The following ATXN7L1 variants were observed in gnomAD, a reference collection of about 807,000 sequenced individuals.
The protein encoded by ATXN7L1 is ataxin 7 like 1.
In ATXN7L1, 15 loss-of-function variants were observed where a neutral mutation model predicts 70.8. The ratio of observed to expected loss-of-function variants is 0.21; its 90% confidence interval spans 0.14 to 0.33. The LOEUF is 0.33. Among genes scored for constraint, ATXN7L1 ranks in the 10% least tolerant of loss-of-function variants. The pLI is 1.00. For synonymous variants in ATXN7L1, 440 were observed against 445.1 expected, an observed-to-expected ratio of 0.99 and a Z score of 0.14; for missense variants, 975 against 1,097.1, an observed-to-expected ratio of 0.89 and a Z score of 1.57.
At chr7:105,654,875 G>C (rs118078751) in intron 4 of ATXN7L1, among the ~76,000 whole-genome samples, 3,204 of 151,808 alleles carry the variant, frequency 0.021, 47 homozygotes, top group Middle Eastern at 0.034. Flanking sequence ...CAAATAGCTG[G>C]GATTACAGGG....
intron 11 of ATXN7L1, among the ~76,000 whole-genome samples, chr7:105,608,459 G>A (rs911858746): frequency 2.0e-5 from 3 of 152,200 alleles, no homozygotes; most frequent in African/African-American, 4.8e-5. Context: ...GGCAGAGAGT[G>A]CTACACAAGT....
intron 3 of ATXN7L1, among the ~76,000 whole-genome samples, chr7:105,778,658 A>G (rs1391268611): frequency 6.6e-6 from 1 of 152,208 alleles, no homozygotes; most frequent in African/African-American, 2.4e-5. Flanking sequence ...GAAACATGAA[A>G]AAAGAGAATT....
At chr7:105,745,583 T>C (rs532303585) in intron 3 of ATXN7L1, among the ~76,000 whole-genome samples, 4 of 152,268 alleles carry the variant, frequency 2.6e-5, no homozygotes. Flanking sequence ...AGCTGACCAG[T>C]TCCCGAGCTG....
chr7:105,842,464 A>G (rs58564118), intron 2 of ATXN7L1, among the ~76,000 whole-genome samples: 2,469 of 152,298 alleles, frequency 0.016, 40 homozygotes, highest in East Asian at 0.066. Flanking sequence ...GAATCATCCA[A>G]TATATGGTCC....
intron 3 of ATXN7L1, among the ~76,000 whole-genome samples, chr7:105,704,810 T>C (rs1584782163): frequency 2.0e-5 from 3 of 151,654 alleles, no homozygotes; most frequent in South Asian, 2.1e-4. Flanking sequence ...GGCGTTTCAC[T>C]ATGTTGGCCA....
At chr7:105,711,998 G>A (rs566031219) in intron 3 of ATXN7L1, among the ~76,000 whole-genome samples, 5 of 152,368 alleles carry the variant, frequency 3.3e-5, no homozygotes, top group African/African-American at 9.6e-5. Flanking sequence ...TTCAACTCTT[G>A]CCTTCTGTGC....
At chr7:105,626,845 T>C (rs1795777695) in intron 7 of ATXN7L1, among the ~76,000 whole-genome samples, 1 of 152,222 alleles carries the variant, frequency 6.6e-6, no homozygotes, top group Non-Finnish European at 1.5e-5. Context: ...TTCCAGACGT[T>C]GTTACTGGGC....
At chr7:105,740,640 C>A (rs573641863) in intron 3 of ATXN7L1, among the ~76,000 whole-genome samples, 1 of 151,908 alleles carries the variant, frequency 6.6e-6, no homozygotes, top group South Asian at 2.1e-4. Context: ...GCTTTGGGGT[C>A]TCTTAATTTC....
intron 2 of ATXN7L1, among the ~76,000 whole-genome samples, chr7:105,831,622 C>T (rs141959015): frequency 1.4e-4 from 22 of 152,264 alleles, no homozygotes; most frequent in Non-Finnish European, 2.9e-4. Context: ...TTTTAAAAAG[C>T]GTAAACTACC....
At chr7:105,642,737 A>G in intron 5 of ATXN7L1, 101 bp downstream of exon 5, 1 of 1,366,092 alleles carries the variant, frequency 7.3e-7, no homozygotes, top group Non-Finnish European at 9.8e-7. Context: ...CTTAAAATGA[A>G]ACAGACCTGC....
Position 105,830,354 on chromosome 7 carries a change from A to G in ATXN7L1, c.251-41646T>C, listed in dbSNP as rs191616445. On this transcript the variant is annotated intron_variant, in intron 2 of 11. Coordinates refer to ENST00000419735, the MANE Select transcript of ATXN7L1 (RefSeq NM_020725.2). ...TCCTTCAAACAACAACATCAACAAC[A>G]AAGACAACGGTTTTGAAAACCACTG... 2.6e-5 allele frequency among the ~76,000 whole-genome samples: 4 copies of G among 152,384 alleles called. No homozygotes were observed. In the East Asian group the frequency reaches 7.7e-4, roughly 29 times the overall value.
chr7:105,716,363 C>T (rs1301414483), intron 3 of ATXN7L1, among the ~76,000 whole-genome samples: 4 of 152,070 alleles, frequency 2.6e-5, no homozygotes, highest in Non-Finnish European at 5.9e-5. Flanking sequence ...CAGACCTCAT[C>T]TTCTCATTCT....
chr7:105,848,279 C>T (rs1041138355), intron 2 of ATXN7L1, among the ~76,000 whole-genome samples: 1 of 152,190 alleles, frequency 6.6e-6, no homozygotes, highest in Non-Finnish European at 1.5e-5. Context: ...TCATACACTC[C>T]TGATGGGAGT....
rs1181565055 is a variant in ATXN7L1, at chr7:105,788,714, G to C, written c.251-6C>G. The C allele has an allele frequency of 6.3e-7, 1 of 1,597,436 alleles. No homozygotes were observed. Among genetic ancestry groups the C allele is most frequent in the Non-Finnish European group, 8.6e-7 (1 of 1,164,972 alleles). On this transcript the variant is annotated splice_region_variant and splice_polypyrimidine_tract_variant and intron_variant, in intron 2 of 11. Transcript: ENST00000419735. The stretch of plus-strand genomic sequence containing the variant: ...ATGGCCAAATAAGTGCATATCTGTG[G>C]GGGAAATGAAAACAAGTGTGTTTTG...
intron 3 of ATXN7L1, among the ~76,000 whole-genome samples, chr7:105,753,187 T>C (rs961206804): frequency 3.3e-5 from 5 of 152,118 alleles, no homozygotes; most frequent in South Asian, 2.1e-4. Context: ...CTGGAGGAGA[T>C]AGGGGCGGTT....
intron 2 of ATXN7L1, among the ~76,000 whole-genome samples, chr7:105,874,779 C>A (rs1818779343): frequency 6.6e-6 from 1 of 152,208 alleles, no homozygotes; most frequent in South Asian, 2.1e-4. Context: ...TCCACGCAGG[C>A]TTCAGCTGCC....
intron 10 of ATXN7L1, 116 bp from the exon 11 acceptor site, chr7:105,610,719 G>A: frequency 1.2e-6 from 1 of 851,844 alleles, no homozygotes; most frequent in Non-Finnish European, 1.9e-6. Context: ...CATTCCCTCA[G>A]ATTGGCTCGG....
intron 10 of ATXN7L1, 111 bp from the exon 11 acceptor site, chr7:105,610,714 C>T: frequency 1.1e-6 from 1 of 892,928 alleles, no homozygotes; most frequent in Non-Finnish European, 1.7e-6. Flanking sequence ...TCCTTCATTC[C>T]CTCAGATTGG....
intron 4 of ATXN7L1, among the ~76,000 whole-genome samples, chr7:105,658,531 T>G (rs1801051426): frequency 6.8e-6 from 1 of 146,558 alleles, no homozygotes; most frequent in Admixed American, 6.8e-5. Context: ...AACTTTTTTT[T>G]TTTTTTTTTT....
Sources: allele counts gnomAD v4.1 joint callset (sites outside exome capture counted in the v4.1 genomes callset), GRCh38; gene constraint gnomAD v4.1.1; transcripts MANE v1.5; gene names NCBI Gene and HGNC (gene_info 2026-07-23, HGNC 2026-07-21).